UNKL: variants seen among roughly 807,000 people sequenced by gnomAD.
The protein encoded by UNKL is unk like zinc finger, also known as putative E3 ubiquitin-protein ligase UNKL.
In UNKL, 60 loss-of-function variants were observed where a neutral mutation model predicts 78.0. The ratio of observed to expected loss-of-function variants is 0.77; its 90% CI spans 0.63 to 0.95. The LOEUF (loss-of-function observed/expected upper bound fraction) is 0.95, where lower values mean the gene tolerates loss of function less well. Ranked by LOEUF, UNKL falls within the 40% of genes least tolerant of loss-of-function variation. The pLI is 0.00. For missense variants in UNKL, 1,159 were observed against 1,045.7 expected, an observed-to-expected ratio of 1.11 and a Z score of -1.49; for synonymous variants, 608 against 474.8, an observed-to-expected ratio of 1.28 and a Z score of -3.65.
At chr16:1,398,681 A>AGGCCCCCCC in intron 5 of UNKL, 4 of 694,074 alleles carry the variant, frequency 5.8e-6, no homozygotes, top group Non-Finnish European at 7.7e-6. Context: ...TGGGGTCTGC[A>AGGCCCCCCC]CCCCCCCACC....
intron 10 of UNKL, among the ~76,000 whole-genome samples, chr16:1,376,185 G>GCTCCTCC (rs1422078996): frequency 7.3e-4 from 101 of 138,030 alleles, no homozygotes; most frequent in African/African-American, 2.5e-3. Flanking sequence ...GCTGGGGCAT[G>GCTCCTCC]CTCCTCCCTC....
intron 10 of UNKL, among the ~76,000 whole-genome samples, chr16:1,377,731 G>A (rs2142036069): frequency 6.6e-6 from 1 of 152,246 alleles, no homozygotes; most frequent in East Asian, 1.9e-4. Flanking sequence ...ATGTCCAGCA[G>A]GGGCCAAAGC....
intron 10 of UNKL, among the ~76,000 whole-genome samples, chr16:1,380,845 T>C (rs2142066279): frequency 6.6e-6 from 1 of 152,172 alleles, no homozygotes; most frequent in African/African-American, 2.4e-5. Flanking sequence ...CAGCTAATTT[T>C]TGTATTTTTG....
chr16:1,375,623 G>A (rs1353061412), intron 10 of UNKL, among the ~76,000 whole-genome samples: 5 of 152,224 alleles, frequency 3.3e-5, no homozygotes, highest in Non-Finnish European at 7.3e-5. Flanking sequence ...AGCTTTTAGG[G>A]ACTTTCGAAG....
At chr16:1,388,417 G>C (rs1224502671) in intron 9 of UNKL, among the ~76,000 whole-genome samples, 1 of 152,086 alleles carries the variant, frequency 6.6e-6, no homozygotes, top group Non-Finnish European at 1.5e-5. Context: ...CTGCAGGAGG[G>C]GACTCCACCC....
intron 10 of UNKL, among the ~76,000 whole-genome samples, chr16:1,382,981 C>T (rs1184163373): frequency 2.0e-5 from 3 of 150,748 alleles, no homozygotes; most frequent in African/African-American, 4.9e-5. Context: ...ACACACATGC[C>T]GGGCACAGTG....
At chr16:1,401,449 T>C (rs1370870666) in intron 4 of UNKL, 119 bp downstream of exon 4, 2 of 1,271,576 alleles carry the variant, frequency 1.6e-6, no homozygotes, top group Non-Finnish European at 2.0e-6. Flanking sequence ...GAGCCTCGGT[T>C]TCCCCATCTG....
intron 2 of UNKL, among the ~76,000 whole-genome samples, chr16:1,405,519 T>C (rs1166153471): frequency 4.0e-5 from 6 of 150,238 alleles, no homozygotes; most frequent in Non-Finnish European, 8.9e-5. Context: ...GGGGTTGCAG[T>C]GAACCGAGAT....
rs1460982507 is a variant in UNKL, at chr16:1,414,695, C to T, written c.-4G>A. 1 of 1,136,382 alleles carries T rather than the reference C, an allele frequency of 8.8e-7. No homozygotes were observed. Among genetic ancestry groups the T allele is most frequent in the Non-Finnish European group, 1.1e-6 (1 of 915,846 alleles). 70.4% of individuals were successfully genotyped at this position (1,136,382 alleles called of 1,614,324 possible). A position where few individuals can be genotyped will look rare whatever the true frequency, so the allele number is the denominator to read the frequency against. On this transcript the variant is annotated 5_prime_UTR_variant, in exon 1 of 15. Transcript: ENST00000389221. ...CCGCTTTCGAAACCGACGGCATTTT[C>T]AGTCAAAACAATGCAGCGCGCATGC... is the stretch of plus-strand genomic sequence containing the variant.
intron 5 of UNKL, chr16:1,398,494 A>G (rs369492030): frequency 6.4e-6 from 8 of 1,242,390 alleles, no homozygotes; most frequent in East Asian, 9.2e-5. Flanking sequence ...TGAACGTGGC[A>G]TAACAACAAG....
chr16:1,369,955 A>G (rs2141955759), intron 12 of UNKL, 175 bp downstream of exon 12: 2 of 1,549,762 alleles, frequency 1.3e-6, no homozygotes, highest in East Asian at 4.9e-5. Flanking sequence ...AACCTGGGCG[A>G]CAGAGCGAGA....
At position 1,414,007 on chromosome 16, in the gene UNKL, G is replaced by C. The variant is rs2038166784; in HGVS notation, c.126C>G (p.His42Gln). 1 of 1,551,654 alleles carries C rather than the reference G, an allele frequency of 6.4e-7. No homozygotes were observed. Among genetic ancestry groups the C allele is most frequent in the Non-Finnish European group, 8.7e-7 (1 of 1,147,362 alleles). ...RTEQCPLFSQ[H>Q]KCAQHRPFTC... ...TGAACGGCCGGTGCTGCGCGCACTT[G>C]TGCTGTGAAAACAGGGGGCACTGCT... is the stretch of plus-strand genomic sequence containing the variant. Residue 42 changes from histidine (H) to glutamine (Q), a missense_variant, in exon 2 of 15, where the codon CAC becomes CAG. By Grantham distance (24) the His-to-Gln change is conservative (BLOSUM62 0). Coordinates refer to ENST00000389221, the MANE Select transcript of UNKL (RefSeq NM_001372107.1).
intron 4 of UNKL, among the ~76,000 whole-genome samples, chr16:1,400,567 T>C (rs1297447937): frequency 6.7e-6 from 1 of 149,138 alleles, no homozygotes; most frequent in East Asian, 2.0e-4. Flanking sequence ...AGCAGGGGGG[T>C]TCCTTCTGCA....
intron 8 of UNKL, among the ~76,000 whole-genome samples, chr16:1,391,326 T>C (rs1025271911): frequency 6.6e-6 from 1 of 152,124 alleles, no homozygotes; most frequent in African/African-American, 2.4e-5. Context: ...TTTTTGGTTT[T>C]GTTTTGTTTT....
At chr16:1,370,407 C>A in intron 11 of UNKL, 50 bp from the exon 12 acceptor site, 1 of 1,511,878 alleles carries the variant, frequency 6.6e-7, no homozygotes, top group South Asian at 1.2e-5. Flanking sequence ...GGCCTCTGCC[C>A]AAACATCTGC....
At position 1,369,975 on chromosome 16, in the gene UNKL, C is replaced by T. The variant is rs372365016; in HGVS notation, c.1585+155G>A. ...GGGCGACAGAGCGAGACTCGGTCTG[C>T]GGCGTGGGGGAACCTGTGAGCAGCA... On this transcript the variant is annotated intron_variant, in intron 12 of 14. Transcript: ENST00000389221. The T allele has an allele frequency of 7.1e-5, 110 of 1,550,352 alleles. 2 individuals carry two copies. The South Asian group carries it at 9.8e-4, about 14-fold the overall frequency.
intron 11 of UNKL, 131 bp downstream of exon 11, chr16:1,371,388 G>A (rs2035824864): frequency 4.7e-6 from 4 of 857,634 alleles, no homozygotes; most frequent in Non-Finnish European, 7.2e-6. Flanking sequence ...CTGTGGTCCA[G>A]GCAGGAGTGC....
At position 1,386,939 on chromosome 16, in the gene UNKL, C is replaced by T. The variant is rs368251124; in HGVS notation, c.1087-1554G>A. Among the ~76,000 whole-genome samples, 41 of 152,296 alleles carry T rather than the reference C, an allele frequency of 2.7e-4. 1 individual carries two copies. In the East Asian group the frequency reaches 7.7e-3, roughly 29 times the overall value. ...CTCCCTGCCCAGGTGCGAGAAGGGG[C>T]CTGCCCCCTCGTCCATAATCCACTT... On this transcript the variant is annotated intron_variant, in intron 9 of 14. Coordinates refer to ENST00000389221, the MANE Select transcript of UNKL (RefSeq NM_001372107.1).
chr16:1,399,887 C>T lies in UNKL; in HGVS notation c.599-378G>A, dbSNP rs762068766. Among the ~76,000 whole-genome samples, 2 of 152,088 alleles carry T rather than the reference C, an allele frequency of 1.3e-5. No homozygotes were observed. Among genetic ancestry groups the T allele is most frequent in the Non-Finnish European group, 2.9e-5 (2 of 68,024 alleles). On this transcript the variant is annotated intron_variant, in intron 4 of 14. Coordinates refer to ENST00000389221, the MANE Select transcript of UNKL (RefSeq NM_001372107.1). This position sits in a 1 kb window ranked among gnomAD's most constrained non-coding sequence, Gnocchi z 5.8. ...TGTGTGCACAGCTTTTGAGAATATG[C>T]TAAAATCCAGAGACATGCACACCCC...
Sources: gnomAD v4.1 joint callset for allele counts (sites outside exome capture counted in the v4.1 genomes callset) on GRCh38, gnomAD v4.1.1 for gene constraint, Gnocchi (gnomAD v3.1) non-coding constraint, MANE v1.5 for transcripts, NCBI Gene and HGNC (gene_info 2026-07-23, HGNC 2026-07-21) for gene names.